RAP1GAP2: variants seen among roughly 807,000 people sequenced by gnomAD.
The protein encoded by RAP1GAP2 is RAP1 GTPase activating protein 2, also known as rap1 GTPase-activating protein 2.
Under a neutral mutation model 95.0 loss-of-function variants are expected in RAP1GAP2, and 27 were observed. The ratio of observed to expected loss-of-function variants is 0.28; its 90% CI spans 0.21 to 0.39. RAP1GAP2 has a LOEUF of 0.39. RAP1GAP2 is among the 10% of genes least tolerant of loss of function. The pLI, the probability that RAP1GAP2 is intolerant of heterozygous loss-of-function variation, is 1.00. For missense variants in RAP1GAP2, 771 were observed against 970.0 expected (o/e 0.79, Z 2.72); for synonymous variants, 373 against 380.9 (o/e 0.98, Z 0.24).
At chr17:2,912,453 T>C (rs2042419674) in intron 3 of RAP1GAP2, among the ~76,000 whole-genome samples, 2 of 152,052 alleles carry the variant, frequency 1.3e-5, no homozygotes, top group South Asian at 4.1e-4. Flanking sequence ...CAGCCCCCCA[T>C]ACATCCACCA....
rs2317459 is a variant in RAP1GAP2, at chr17:2,991,768, A to G, written c.914+371A>G. ...AATGACCTATTTTATTTTATTTTTT[A>G]TTTTTTTATTTTTGGAGACAGAGTC... On this transcript the variant is annotated intron_variant, in intron 12 of 24. Transcript: ENST00000254695. Among the ~76,000 whole-genome samples the G allele has an allele frequency of 3.3e-5, 5 of 151,908 alleles. No individual in the cohort carries two copies. The South Asian group carries it at 1.0e-3, about 32-fold the overall frequency.
chr17:2,911,836 C>T (rs762314346), intron 3 of RAP1GAP2, among the ~76,000 whole-genome samples: 1 of 152,176 alleles, frequency 6.6e-6, no homozygotes, highest in African/African-American at 2.4e-5. Context: ...TCTCGACGCT[C>T]ATGGGAAGGA....
In RAP1GAP2 at chr17:2,988,949, C is replaced by T. The variant is rs888376423; in HGVS notation, c.814-2348C>T. Among the ~76,000 whole-genome samples the T allele has an allele frequency of 9.1e-4, 139 of 152,234 alleles. 1 individual carries two copies. The highest frequency in any genetic ancestry group is 1.4e-3 in the Non-Finnish European group (94 of 68,024). On this transcript the variant is annotated intron_variant, in intron 11 of 24. Transcript: ENST00000254695. ...TAGTGGGCGCCTGTAGTCCCAGCTACTCGGGAGGCTGAGGCAGGAGAATCG... is the reference window on the plus strand; with the variant it reads ...TAGTGGGCGCCTGTAGTCCCAGCTATTCGGGAGGCTGAGGCAGGAGAATCG...
intron 11 of RAP1GAP2, among the ~76,000 whole-genome samples, chr17:2,989,223 G>A (rs187997817): frequency 8.5e-5 from 13 of 152,336 alleles, no homozygotes; most frequent in Admixed American, 3.9e-4. Flanking sequence ...TGATAGATGT[G>A]TAGTGGTATC....
chr17:2,834,192 C>T (rs1202819425), intron 2 of RAP1GAP2, among the ~76,000 whole-genome samples: 1 of 152,176 alleles, frequency 6.6e-6, no homozygotes, highest in African/African-American at 2.4e-5. Flanking sequence ...CTTCCCCAGA[C>T]CCATCTTAAG....
intron 2 of RAP1GAP2, among the ~76,000 whole-genome samples, chr17:2,802,262 G>A (rs2069332788): frequency 6.6e-6 from 1 of 152,194 alleles, no homozygotes; most frequent in Non-Finnish European, 1.5e-5. Flanking sequence ...GCAAAGTACG[G>A]CCAGTCTTGA....
At chr17:2,901,931 T>G (rs2042038137) in intron 2 of RAP1GAP2, among the ~76,000 whole-genome samples, 1 of 152,212 alleles carries the variant, frequency 6.6e-6, no homozygotes. Flanking sequence ...ACCTGGGGCC[T>G]GGGCACTGCA....
rs2317468 is a variant in RAP1GAP2, at chr17:2,940,538, C to T, written c.166-17221C>T. ...TTGGAGCTGGCCAGGCTGCGGGTCC[C>T]GCCCTCTCTTCTTTGGGCTGTGGTT... On this transcript the variant is annotated intron_variant, in intron 3 of 24. Transcript: ENST00000254695. Among the ~76,000 whole-genome samples, 17 of 152,312 alleles carry T rather than the reference C, an allele frequency of 1.1e-4. No homozygotes were observed. The East Asian group carries it at 1.4e-3, about 12-fold the overall frequency.
chr17:2,959,792 C>A (rs934533716), intron 4 of RAP1GAP2, among the ~76,000 whole-genome samples: 1 of 152,100 alleles, frequency 6.6e-6, no homozygotes, highest in Admixed American at 6.6e-5. Flanking sequence ...CCCTTCTGAG[C>A]CTTAATTTCT....
At chr17:2,842,529 C>CAAAA (rs34473053) in intron 2 of RAP1GAP2, among the ~76,000 whole-genome samples, 1 of 78,062 alleles carries the variant, frequency 1.3e-5, no homozygotes, top group Non-Finnish European at 2.6e-5. Context: ...GATTCCGTCT[C>CAAAA]AAAAAAAAAA....
At chr17:2,813,050 C>T (rs1268149374) in intron 2 of RAP1GAP2, among the ~76,000 whole-genome samples, 1 of 150,228 alleles carries the variant, frequency 6.7e-6, no homozygotes, top group Non-Finnish European at 1.5e-5. Context: ...ATCTGAATGT[C>T]GGAGGGTAGA....
chr17:2,905,320 C>T lies in RAP1GAP2; in HGVS notation c.117C>T (p.Leu39=), dbSNP rs777796865. Residue 39 remains leucine, a synonymous_variant, in exon 3 of 25, where the codon CTC becomes CTT. Transcript: ENST00000254695. ...TGGCCAACAGCTCGGATGCGACCCT[C>T]CCAGACCGGCCGCTCTCCCCTCCTC... ...QELANSSDAT[L]PDRPLSPPLT... 3.1e-6 allele frequency: 5 copies of T among 1,613,828 alleles called. No homozygotes were observed. The South Asian group carries it at 4.4e-5, about 14-fold the overall frequency.
chr17:2,934,777 C>A (rs2043253096), intron 3 of RAP1GAP2, among the ~76,000 whole-genome samples: 1 of 152,224 alleles, frequency 6.6e-6, no homozygotes, highest in Admixed American at 6.5e-5. Flanking sequence ...TGTGTACCTT[C>A]CAGTGGATGT....
At chr17:3,025,984 C>A (rs2047100489) in intron 19 of RAP1GAP2, 24 bp from the exon 20 acceptor site, 1 of 1,563,710 alleles carries the variant, frequency 6.4e-7, no homozygotes, top group Non-Finnish European at 8.8e-7. Flanking sequence ...TCCGCGGCCT[C>A]ACTCCTCATT....
intron 2 of RAP1GAP2, among the ~76,000 whole-genome samples, chr17:2,830,248 C>T (rs1294493308): frequency 1.3e-5 from 2 of 151,496 alleles, no homozygotes; most frequent in African/African-American, 2.4e-5. Flanking sequence ...CCTGTCTGTA[C>T]TAAAAACACA....
At chr17:2,787,200 C>G (rs543682799) in intron 1 of RAP1GAP2, among the ~76,000 whole-genome samples, 1 of 152,076 alleles carries the variant, frequency 6.6e-6, no homozygotes, top group East Asian at 1.9e-4. Flanking sequence ...ATCCACCCCA[C>G]CATGGCCTCC....
intron 3 of RAP1GAP2, among the ~76,000 whole-genome samples, chr17:2,941,338 G>A (rs571945512): frequency 6.6e-6 from 1 of 152,168 alleles, no homozygotes; most frequent in Non-Finnish European, 1.5e-5. Flanking sequence ...GGAGGTGGAA[G>A]CGGAGGTTGT....
At chr17:2,836,975 T>G (rs2071158452) in intron 2 of RAP1GAP2, among the ~76,000 whole-genome samples, 1 of 151,792 alleles carries the variant, frequency 6.6e-6, no homozygotes, top group Non-Finnish European at 1.5e-5. Flanking sequence ...TTGAGGCCAG[T>G]AACGGTGGCT....
At chr17:2,839,376 C>T (rs182741193) in intron 2 of RAP1GAP2, among the ~76,000 whole-genome samples, 55 of 151,832 alleles carry the variant, frequency 3.6e-4, no homozygotes, top group Non-Finnish European at 1.9e-4. Flanking sequence ...CAGAGAGTCC[C>T]CATAGGCTCT....
Sources: allele counts gnomAD v4.1 joint callset (sites outside exome capture counted in the v4.1 genomes callset), GRCh38; gene constraint gnomAD v4.1.1; transcripts MANE v1.5; gene names NCBI Gene and HGNC (gene_info 2026-07-23, HGNC 2026-07-21).